FSIP2: variants seen among roughly 807,000 people sequenced by gnomAD.
FSIP2 encodes the protein fibrous sheath-interacting protein 2.
Under a neutral mutation model 510.5 loss-of-function variants are expected in FSIP2, and 367 were observed. The observed-to-expected ratio is 0.72, with a 90% CI of 0.66 to 0.78. FSIP2 has a LOEUF of 0.78. FSIP2 is among the 30% of genes least tolerant of loss of function. FSIP2 has a pLI of 0.00. For synonymous variants in FSIP2, 2,601 were observed against 2,732.2 expected (o/e 0.95, Z 1.50); for missense variants, 7,594 against 7,901.7 (o/e 0.96, Z 1.48).
Position 185,805,844 on chromosome 2 carries a change from G to T in FSIP2, c.16538G>T (p.Gly5513Val). 1 of 1,609,084 alleles carries T rather than the reference G, an allele frequency of 6.2e-7. No homozygotes were observed. The highest frequency in any genetic ancestry group is 8.5e-7 in the Non-Finnish European group (1 of 1,177,824). Residue 5513 changes from glycine to valine, a missense_variant, in exon 17 of 23, where the codon GGT becomes GTT. Coordinates refer to ENST00000424728, the MANE Select transcript of FSIP2 (RefSeq NM_173651.4). ...AACCTAACATCAGGGTTGGCTACAGGTGTGACAAATAAAAAGGAAGTGGAT... is the reference window on the plus strand; with the variant it reads ...AACCTAACATCAGGGTTGGCTACAGTTGTGACAAATAAAAAGGAAGTGGAT... Reference protein sequence around the residue: ...MINLTSGLATGVTNKKEVDEN... With the variant: ...MINLTSGLATVVTNKKEVDEN...
chr2:185,823,130 T>C (rs1307112010), intron 19 of FSIP2, among the ~76,000 whole-genome samples: 2 of 151,916 alleles, frequency 1.3e-5, no homozygotes, highest in African/African-American at 4.8e-5. Flanking sequence ...GAAAAAGGCT[T>C]CTTGACATTG....
intron 19 of FSIP2, among the ~76,000 whole-genome samples, chr2:185,817,175 T>C (rs1693842755): frequency 6.6e-6 from 1 of 152,146 alleles, no homozygotes; most frequent in South Asian, 2.1e-4. Flanking sequence ...CTCCCTTTGG[T>C]GGAAAGAGCA....
chr2:185,747,731 A>C (rs547896190), intron 7 of FSIP2, among the ~76,000 whole-genome samples: 2 of 152,074 alleles, frequency 1.3e-5, no homozygotes, highest in East Asian at 3.9e-4. Context: ...CAGATTTCTC[A>C]ATTTTTCCTC....
intron 3 of FSIP2, 40 bp downstream of exon 3, chr2:185,743,334 CT>C: frequency 7.4e-7 from 1 of 1,352,410 alleles, no homozygotes; most frequent in Non-Finnish European, 9.7e-7. Flanking sequence ...CAATGAAACC[CT>C]TTAAAACTTG....
chr2:185,739,317 A>G (rs1353374978), intron 1 of FSIP2, 29 bp from the exon 2 acceptor site: 39 of 1,504,730 alleles, frequency 2.6e-5, no homozygotes, highest in Non-Finnish European at 3.1e-5. Flanking sequence ...CTAAAAGGAA[A>G]GACAAAACTC....
intron 14 of FSIP2, among the ~76,000 whole-genome samples, chr2:185,785,208 T>A (rs545613231): frequency 3.9e-5 from 6 of 152,026 alleles, no homozygotes; most frequent in Non-Finnish European, 8.8e-5. Flanking sequence ...AGAAACCAGA[T>A]CTTAGAAAAA....
Position 185,808,195 on chromosome 2 carries a change from GAATTT to G in FSIP2, c.18890_18894del (p.Glu6297AlafsTer29). 1 of 1,611,708 alleles carries G rather than the reference GAATTT, an allele frequency of 6.2e-7. No homozygotes were observed. The highest frequency in any genetic ancestry group is 2.2e-5 in the East Asian group (1 of 44,720). ...AATGGTGAATGCAATTTCGAATTCTGAATTTCAACCTCAAGTAGAGGAAGAAGTAT... is the reference window on the plus strand; with the variant it reads ...AATGGTGAATGCAATTTCGAATTCTGCAACCTCAAGTAGAGGAAGAAGTAT... On this transcript the variant is annotated frameshift_variant, in exon 17 of 23. Coordinates refer to ENST00000424728, the MANE Select transcript of FSIP2 (RefSeq NM_173651.4). LOFTEE classifies it high-confidence loss of function.
chr2:185,809,179 T>C (rs112287316), intron 17 of FSIP2, 46 bp downstream of exon 17: 65 of 1,501,446 alleles, frequency 4.3e-5, no homozygotes, highest in Non-Finnish European at 5.2e-5. Context: ...TAGTGAGACA[T>C]GGTTCTTCTG....
upstream of FSIP2, chr2:185,738,724 G>T: frequency 6.5e-7 from 1 of 1,536,068 alleles, no homozygotes; most frequent in Non-Finnish European, 8.7e-7. Flanking sequence ...CGCCCCTCAG[G>T]AGGCCACCGC....
Position 185,791,784 on chromosome 2 carries a change from AAAG to A in FSIP2, c.4653_4655del (p.Glu1552del), listed in dbSNP as rs1559026633. The A allele has an allele frequency of 2.0e-6, 3 of 1,534,482 alleles. No homozygotes were observed. The East Asian group carries it at 7.3e-5, about 38-fold the overall frequency. On this transcript the variant is annotated inframe_deletion, in exon 16 of 23. Coordinates refer to ENST00000424728, the MANE Select transcript of FSIP2 (RefSeq NM_173651.4). ...TTCCAGAAGGGTTCAGGAGGACAAT[AAAG>A]AAGAGACTAAAAGCAAGGCAAAACC... is the stretch of plus-strand genomic sequence containing the variant.
chr2:185,740,116 A>T (rs1437217502), intron 2 of FSIP2, among the ~76,000 whole-genome samples: 1 of 152,064 alleles, frequency 6.6e-6, no homozygotes, highest in Non-Finnish European at 1.5e-5. Flanking sequence ...CCTACCCATA[A>T]ATACCATGCT....
chr2:185,777,047 T>C (rs965697008), intron 13 of FSIP2, among the ~76,000 whole-genome samples: 13 of 152,114 alleles, frequency 8.5e-5, no homozygotes, highest in African/African-American at 2.9e-4. Flanking sequence ...CTAATCCACA[T>C]GTTGGCCAGG....
In FSIP2 at chr2:185,807,661, G is replaced by A. The variant is rs757727011; in HGVS notation, c.18355G>A (p.Asp6119Asn). 3 of 1,612,766 alleles carry A rather than the reference G, an allele frequency of 1.9e-6. No individual in the cohort carries two copies. The highest frequency in any genetic ancestry group is 2.5e-6 in the Non-Finnish European group (3 of 1,179,310). ...CAAAATCCTTTCAGAAAACATAGTT[G>A]ACTTGGTTCTACGAGAAGTGGCTAG... is the stretch of plus-strand genomic sequence containing the variant. Reference protein sequence around the residue: ...GCKILSENIVDLVLREVASNQ... With the variant: ...GCKILSENIVNLVLREVASNQ... The change falls in exon 17 of 23, where the codon GAC becomes AAC. Residue 6119 changes from aspartate (D) to asparagine (N), a missense_variant. Asp to Asn is a conservative substitution (Grantham distance 23). Coordinates refer to ENST00000424728, the MANE Select transcript of FSIP2 (RefSeq NM_173651.4).
At chr2:185,774,242 G>A (rs1692670785) in intron 13 of FSIP2, among the ~76,000 whole-genome samples, 1 of 152,010 alleles carries the variant, frequency 6.6e-6, no homozygotes, top group Admixed American at 6.6e-5. Flanking sequence ...TTAGAAGCAT[G>A]GACTTCTTCC....
At chr2:185,764,090 TA>T (rs5836956) in intron 12 of FSIP2, among the ~76,000 whole-genome samples, 82,326 of 151,180 alleles carry the variant, frequency 0.54, 22,677 homozygotes, top group South Asian at 0.64. Flanking sequence ...GCCCTTAACT[TA>T]AAAAAAATTC....
At chr2:185,828,506 A>T (rs941270567) in intron 21 of FSIP2, among the ~76,000 whole-genome samples, 1 of 151,890 alleles carries the variant, frequency 6.6e-6, no homozygotes, top group African/African-American at 2.4e-5. Context: ...TACAATCTCC[A>T]GAAAAACACT....
At chr2:185,779,345 C>A (rs13002242) in intron 13 of FSIP2, among the ~76,000 whole-genome samples, 1 of 150,004 alleles carries the variant, frequency 6.7e-6, no homozygotes, top group Non-Finnish European at 1.5e-5. Context: ...ATGTATATTT[C>A]TTTTAGCATT....
rs941610177 is a variant in FSIP2, at chr2:185,799,900, G to A, written c.10594G>A (p.Glu3532Lys). The A allele has an allele frequency of 1.3e-6, 2 of 1,533,650 alleles. No homozygotes were observed. The highest frequency in any genetic ancestry group is 1.7e-6 in the Non-Finnish European group (2 of 1,145,468). The change falls in exon 17 of 23, where the codon GAA (glutamate) becomes AAA (lysine). Residue 3532 changes from glutamate to lysine, a missense_variant. Glu to Lys is a moderately conservative substitution (Grantham distance 56). Coordinates refer to ENST00000424728, the MANE Select transcript of FSIP2 (RefSeq NM_173651.4). ...AAAAGAGAAAGCATGGGAAATTCAAGAAGCAACATTTAGCAAGATTATTTC... is the reference window on the plus strand; with the variant it reads ...AAAAGAGAAAGCATGGGAAATTCAAAAAGCAACATTTAGCAAGATTATTTC... ...REKEKAWEIQ[E>K]ATFSKIISIH...
intron 14 of FSIP2, 34 bp from the exon 15 acceptor site, chr2:185,786,218 A>G (rs975067750): frequency 2.8e-6 from 4 of 1,433,990 alleles, no homozygotes; most frequent in African/African-American, 1.4e-5. Flanking sequence ...TTTTGACTCT[A>G]TGTAATAACT....
Sources: gnomAD v4.1 joint callset for allele counts (sites outside exome capture counted in the v4.1 genomes callset) on GRCh38, gnomAD v4.1.1 for gene constraint, MANE v1.5 for transcripts, NCBI Gene and HGNC (gene_info 2026-07-23, HGNC 2026-07-21) for gene names.